The following EPM2A variants were observed in gnomAD, a reference collection of about 807,000 sequenced individuals.
EPM2A encodes EPM2A glucan phosphatase, laforin.
Under a neutral mutation model 26.5 loss-of-function variants are expected in EPM2A, and 21 were observed. The observed-to-expected ratio is 0.79, with a 90% CI of 0.56 to 1.14. EPM2A has a LOEUF of 1.14. Ranked by LOEUF, EPM2A falls within the 50% of genes most tolerant of loss-of-function variation. EPM2A has a pLI of 0.00. For synonymous variants in EPM2A, 217 were observed against 177.6 expected (o/e 1.22, Z -1.76); for missense variants, 458 against 440.8 (o/e 1.04, Z -0.35).
rs67264730 is a variant in EPM2A, at chr6:145,422,057, GTA to G, written c.556-37962_556-37961del. On this transcript the variant is annotated intron_variant, in intron 4 of 4. Coordinates refer to the EPM2A transcript ENST00000638717. ...TAGGTTAAATAGAATATATATGAGTGTATATATATATATATATATAGAGAGAG... is the reference window on the plus strand; with the variant it reads ...TAGGTTAAATAGAATATATATGAGTGTATATATATATATATATAGAGAGAG... 2.4e-3 allele frequency among the ~76,000 whole-genome samples: 320 copies of G among 131,742 alleles called. 1 individual carries two copies. The highest frequency in any genetic ancestry group is 7.7e-3 in the African/African-American group (283 of 36,876). 86.4% of individuals were successfully genotyped at this position (131,742 alleles called of 152,430 possible).
intron 2 of EPM2A, among the ~76,000 whole-genome samples, chr6:145,572,374 C>A (rs779598532): frequency 3.3e-5 from 5 of 152,128 alleles, no homozygotes; most frequent in Non-Finnish European, 7.4e-5. Context: ...GCATTTGAGC[C>A]ACTGCCTCAT....
intron 3 of EPM2A, chr6:145,634,027 C>A (rs1776461553): frequency 6.6e-6 from 1 of 152,142 alleles, no homozygotes; most frequent in Non-Finnish European, 1.5e-5. Flanking sequence ...TAAGCTAATT[C>A]TTGTAAATTG....
chr6:145,426,785 G>T (rs889986729), intron 4 of EPM2A, among the ~76,000 whole-genome samples: 1 of 152,006 alleles, frequency 6.6e-6, no homozygotes, highest in Admixed American at 6.6e-5. Context: ...CATTTTTAAG[G>T]TACACTTGTA....
At chr6:145,663,958 A>AAATGCTGACAG (rs1354041168) in intron 2 of EPM2A, among the ~76,000 whole-genome samples, 1 of 82,394 alleles carries the variant, frequency 1.2e-5, no homozygotes, top group Non-Finnish European at 2.3e-5. Flanking sequence ...ACAGACAAGC[A>AAATGCTGACAG]AATGCTGACA....
At chr6:145,605,418 C>G (rs893784833) in intron 2 of EPM2A, among the ~76,000 whole-genome samples, 1 of 152,038 alleles carries the variant, frequency 6.6e-6, no homozygotes, top group African/African-American at 2.4e-5. Flanking sequence ...CACTCTTGTA[C>G]CTGATGCTAT....
At chr6:145,521,300 G>A (rs1375797127) in intron 2 of EPM2A, among the ~76,000 whole-genome samples, 1 of 151,968 alleles carries the variant, frequency 6.6e-6, no homozygotes, top group Non-Finnish European at 1.5e-5. Flanking sequence ...ATGGAAGGTA[G>A]GCATTGAGAT....
intron 2 of EPM2A, among the ~76,000 whole-genome samples, chr6:145,530,983 C>T (rs1466972200): frequency 1.3e-5 from 2 of 152,148 alleles, no homozygotes; most frequent in Non-Finnish European, 2.9e-5. Flanking sequence ...TGATCCCACA[C>T]CTCTCTATAG....
chr6:145,557,627 G>T lies in EPM2A; in HGVS notation c.341-55052C>A, dbSNP rs1780746807. On this transcript the variant is annotated intron_variant, in intron 2 of 3. Transcript: ENST00000450221. Reference sequence around the variant, plus strand: ...ATTTTTAAATTGACACATAGAAATTGTGTATATTTACTGTGTGCCCACATG... The same window carrying T: ...ATTTTTAAATTGACACATAGAAATTTTGTATATTTACTGTGTGCCCACATG... Among the ~76,000 whole-genome samples the T allele has an allele frequency of 1.3e-5, 2 of 151,986 alleles. 1 individual carries two copies. Among genetic ancestry groups the T allele is most frequent in the South Asian group, 4.1e-4 (2 of 4,820 alleles).
At chr6:145,432,440 T>G (rs185778022) in intron 4 of EPM2A, among the ~76,000 whole-genome samples, 1 of 152,094 alleles carries the variant, frequency 6.6e-6, no homozygotes, top group Non-Finnish European at 1.5e-5. Flanking sequence ...AATTTCCTTT[T>G]ACATTTTCAT....
chr6:145,494,408 A>G (rs903789530), intron 4 of EPM2A, among the ~76,000 whole-genome samples: 1 of 151,974 alleles, frequency 6.6e-6, no homozygotes, highest in Non-Finnish European at 1.5e-5. Flanking sequence ...TAGTCTACCT[A>G]TTTAATTATT....
At chr6:145,672,638 A>C (rs563710943) in intron 2 of EPM2A, among the ~76,000 whole-genome samples, 2 of 152,370 alleles carry the variant, frequency 1.3e-5, no homozygotes, top group South Asian at 4.1e-4. Context: ...TCCTAGCAAA[A>C]GACGAGGTTT....
chr6:145,588,885 T>G (rs1781233664), intron 2 of EPM2A, among the ~76,000 whole-genome samples: 1 of 152,168 alleles, frequency 6.6e-6, no homozygotes, highest in Non-Finnish European at 1.5e-5. Flanking sequence ...GCAGGGGAAC[T>G]TTACTATAAG....
At chr6:145,501,531 A>G, downstream of EPM2A, 1 of 255,510 alleles carries the variant, frequency 3.9e-6, no homozygotes, top group Non-Finnish European at 7.8e-6. Flanking sequence ...TAATTGACAT[A>G]ACTGGTAGAC....
intron 2 of EPM2A, among the ~76,000 whole-genome samples, chr6:145,676,002 C>A (rs537852583): frequency 2.6e-5 from 4 of 152,206 alleles, no homozygotes; most frequent in Non-Finnish European, 5.9e-5. Context: ...CCATATCGCA[C>A]TTAAATTGAC....
chr6:145,476,576 T>C lies in EPM2A; in HGVS notation c.555+25946A>G, dbSNP rs1398974785. On this transcript the variant is annotated intron_variant, in intron 4 of 4. Transcript: ENST00000638717. Reference sequence around the variant, plus strand: ...ATCACAAAACAAGTCTTAAAACATTTCAAAAAATTAAAATAGCATAAAGCA... The same window carrying C: ...ATCACAAAACAAGTCTTAAAACATTCCAAAAAATTAAAATAGCATAAAGCA... Among the ~76,000 whole-genome samples the C allele has an allele frequency of 5.9e-5, 9 of 151,960 alleles. No individual in the cohort carries two copies. The East Asian group carries it at 1.7e-3, about 29-fold the overall frequency.
intron 2 of EPM2A, among the ~76,000 whole-genome samples, chr6:145,529,412 A>G (rs1345748225): frequency 6.6e-6 from 1 of 152,144 alleles, no homozygotes; most frequent in Non-Finnish European, 1.5e-5. Flanking sequence ...ACCTTCAGCA[A>G]TCACTACCCT....
intron 2 of EPM2A, among the ~76,000 whole-genome samples, chr6:145,551,748 A>G (rs1780658302): frequency 6.6e-6 from 1 of 152,080 alleles, no homozygotes; most frequent in Admixed American, 6.6e-5. Flanking sequence ...AATCAAGGAA[A>G]ATAAATCATT....
intron 1 of EPM2A, among the ~76,000 whole-genome samples, chr6:145,715,850 T>C (rs1238444552): frequency 6.6e-6 from 1 of 152,140 alleles, no homozygotes; most frequent in Non-Finnish European, 1.5e-5. Context: ...AGCTCAGGAC[T>C]CCCACTGATT....
At chr6:145,584,570 C>T (rs1781162977) in intron 2 of EPM2A, among the ~76,000 whole-genome samples, 1 of 152,202 alleles carries the variant, frequency 6.6e-6, no homozygotes, top group South Asian at 2.1e-4. Flanking sequence ...AATTCTGCTC[C>T]TACCACCTTT....
Sources: allele counts gnomAD v4.1 joint callset (sites outside exome capture counted in the v4.1 genomes callset), GRCh38; gene constraint gnomAD v4.1.1; transcripts MANE v1.5; gene names NCBI Gene and HGNC (gene_info 2026-07-23, HGNC 2026-07-21).